Variants in TTI1 observed in about 807,000 individuals in gnomAD.
The protein encoded by TTI1 is TELO2 interacting protein 1.
TTI1 carries 52 observed loss-of-function variants against 85.4 expected under a neutral mutation model. The observed-to-expected ratio is 0.61, with a 90% CI of 0.49 to 0.77. TTI1 has a LOEUF of 0.77. TTI1 is among the 30% of genes least tolerant of loss of function. The probability of loss-of-function intolerance (pLI) is 0.00; values close to 1 mark genes in which losing one functional copy is unlikely to be tolerated. For synonymous variants in TTI1, 512 were observed against 503.9 expected (o/e 1.02, Z -0.22); for missense variants, 1,173 against 1,296.0 (o/e 0.91, Z 1.46).
At chr20:38,017,921 T>G (rs902590942) in intron 1 of TTI1, among the ~76,000 whole-genome samples, 1 of 152,216 alleles carries the variant, frequency 6.6e-6, no homozygotes, top group African/African-American at 2.4e-5. Context: ...AGTTTGGGGC[T>G]TACCAGGATT....
intron 2 of TTI1, among the ~76,000 whole-genome samples, chr20:38,010,447 A>G (rs1172018391): frequency 1.3e-5 from 2 of 150,600 alleles, no homozygotes; most frequent in Middle Eastern, 3.3e-3. Flanking sequence ...TTATAATTGA[A>G]GTCCAAAATT....
intron 7 of TTI1, among the ~76,000 whole-genome samples, chr20:37,988,263 C>A (rs2073218391): frequency 6.6e-6 from 1 of 152,176 alleles, no homozygotes; most frequent in Admixed American, 6.5e-5. Flanking sequence ...GCGAGTGGAC[C>A]AGATCAGTTC....
rs752382549 is a variant in TTI1, at chr20:38,006,350, T to C, written c.2350A>G (p.Ser784Gly). Reference sequence around the variant, plus strand: ...AAATGACTTCCCTCTTCTCCTAAACTTTGCTCTTGGAGGTGCCCAAGATTA... The same window carrying C: ...AAATGACTTCCCTCTTCTCCTAAACCTTGCTCTTGGAGGTGCCCAAGATTA... ...TGNLGHLQEQ[S>G]LGEEGSHLNQ... Residue 784 changes from serine to glycine, a missense_variant, in exon 3 of 8, where the codon AGT becomes GGT. Coordinates refer to ENST00000373447, the MANE Select transcript of TTI1 (RefSeq NM_001303457.2). 111 of 1,614,056 alleles carry C rather than the reference T, an allele frequency of 6.9e-5. 1 individual carries two copies. The South Asian group carries it at 1.2e-3, about 18-fold the overall frequency.
At chr20:38,014,374 C>T (rs2073650729) in intron 1 of TTI1, among the ~76,000 whole-genome samples, 1 of 152,170 alleles carries the variant, frequency 6.6e-6, no homozygotes, top group Non-Finnish European at 1.5e-5. Flanking sequence ...ACCTAGAAGG[C>T]TCCCTCATGT....
intron 1 of TTI1, among the ~76,000 whole-genome samples, chr20:38,020,323 A>AAATATATATATATATAT: frequency 1.6e-3 from 79 of 50,354 alleles, no homozygotes; most frequent in Non-Finnish European, 2.5e-3. Context: ...AAAAAAAAAA[A>AAATATATATATATATAT]ATATATATAT....
rs373247605 is a variant in TTI1, at chr20:38,012,471, C to T, written c.1346G>A (p.Arg449Gln). 17 of 1,614,068 alleles carry T rather than the reference C, an allele frequency of 1.1e-5. No individual in the cohort carries two copies. The highest frequency in any genetic ancestry group is 8.9e-5 in the East Asian group (4 of 44,896). ...ATTCAGATCATCAGAGTTCCAACGCCGTTCCTCAACAATCTTGATGTCAGC... is the reference window on the plus strand; with the variant it reads ...ATTCAGATCATCAGAGTTCCAACGCTGTTCCTCAACAATCTTGATGTCAGC... ...DVADIKIVEE[R>Q]RWNSDDLNAS... is the part of the protein sequence containing the mutation. Residue 449 changes from arginine (R) to glutamine (Q), a missense_variant, in exon 2 of 8, where the codon CGG (arginine) becomes CAG (glutamine). Coordinates refer to ENST00000373447, the MANE Select transcript of TTI1 (RefSeq NM_001303457.2).
In TTI1 at chr20:37,985,946, T is replaced by C. The variant is rs537546642; in HGVS notation, c.3087-2307A>G. On this transcript the variant is annotated intron_variant, in intron 7 of 7. Transcript: ENST00000373447. ...GAAGTGATTAGAATATTCTAATTCA[T>C]CGTTTCCACTTCACCGCAGAAAGAT... Among the ~76,000 whole-genome samples, 6 of 152,354 alleles carry C rather than the reference T, an allele frequency of 3.9e-5. No homozygotes were observed. In the South Asian group the frequency reaches 1.2e-3, roughly 32 times the overall value.
At chr20:38,006,572 C>T (rs1052423126) in intron 2 of TTI1, among the ~76,000 whole-genome samples, 175 bp from the exon 3 acceptor site, 7 of 152,202 alleles carry the variant, frequency 4.6e-5, no homozygotes, top group East Asian at 1.9e-4. Flanking sequence ...TCCCCCAATG[C>T]GGCAAGCATT....
Position 37,983,348 on chromosome 20 carries a change from T to C in TTI1, c.*108A>G. 1 of 1,144,318 alleles carries C rather than the reference T, an allele frequency of 8.7e-7. No individual in the cohort carries two copies. Among genetic ancestry groups the C allele is most frequent in the South Asian group, 1.5e-5 (1 of 65,636 alleles). 70.9% of individuals were successfully genotyped at this position (1,144,318 alleles called of 1,614,324 possible). ...TTTATAAATCGATTGGCTAACTAAT[T>C]CACCTTCTCTGCTGCCGCTGCCACC... is the stretch of plus-strand genomic sequence containing the variant. On this transcript the variant is annotated 3_prime_UTR_variant, in exon 8 of 8. Coordinates refer to ENST00000373447, the MANE Select transcript of TTI1 (RefSeq NM_001303457.2).
At chr20:38,010,505 C>CTA (rs1453660952) in intron 2 of TTI1, among the ~76,000 whole-genome samples, 1 of 126,936 alleles carries the variant, frequency 7.9e-6, no homozygotes, top group Non-Finnish European at 1.6e-5. Flanking sequence ...GAGTCTCACT[C>CTA]TGTCACCCAG....
At chr20:37,998,539 A>T (rs1374510057) in intron 5 of TTI1, among the ~76,000 whole-genome samples, 1 of 152,226 alleles carries the variant, frequency 6.6e-6, no homozygotes, top group Non-Finnish European at 1.5e-5. Context: ...GATATAAATA[A>T]GCTAAAATAT....
chr20:37,986,356 G>A (rs771214375), intron 7 of TTI1, among the ~76,000 whole-genome samples: 9 of 152,104 alleles, frequency 5.9e-5, no homozygotes, highest in Admixed American at 2.0e-4. Flanking sequence ...TATGAATGTC[G>A]TATTTGTTGG....
In TTI1 at chr20:37,996,921, G is replaced by C. The variant is rs898813441; in HGVS notation, c.2826C>G (p.Asp942Glu). 2 of 1,614,132 alleles carry C rather than the reference G, an allele frequency of 1.2e-6. No homozygotes were observed. ...VLRTLGSKCG[D>E]FLRSRFCKDV... ...CTTTGCAGAACCGGCTGCGAAGAAAGTCACCACACTTGCTTCCCAGGGTAC... is the reference window on the plus strand; with the variant it reads ...CTTTGCAGAACCGGCTGCGAAGAAACTCACCACACTTGCTTCCCAGGGTAC... The change falls in exon 6 of 8, where the codon GAC (aspartate) becomes GAG (glutamate). Residue 942 changes from aspartate to glutamate, a missense_variant. Asp to Glu is a conservative substitution (Grantham distance 45). Coordinates refer to ENST00000373447, the MANE Select transcript of TTI1 (RefSeq NM_001303457.2).
At chr20:37,984,883 TTC>T (rs2073170233) in intron 7 of TTI1, among the ~76,000 whole-genome samples, 1 of 152,208 alleles carries the variant, frequency 6.6e-6, no homozygotes, top group Non-Finnish European at 1.5e-5. Context: ...AGGTTCTCAT[TTC>T]TCTTTTTTCC....
Position 38,012,890 on chromosome 20 carries a change from T to C in TTI1, c.927A>G (p.Glu309=), listed in dbSNP as rs375815529. ...GAAGGTCCTCCACAAGTTCTACCAGTTCCAGTCTCACCTTCCAGTGTGGGT... is the reference window on the plus strand; with the variant it reads ...GAAGGTCCTCCACAAGTTCTACCAGCTCCAGTCTCACCTTCCAGTGTGGGT... ...SVHPHWKVRL[E]LVELVEDLLL... Residue 309 remains glutamate (E), a synonymous_variant, in exon 2 of 8, where the codon GAA becomes GAG. Transcript: ENST00000373447. 5 of 1,614,046 alleles carry C rather than the reference T, an allele frequency of 3.1e-6. No homozygotes were observed. Among genetic ancestry groups the C allele is most frequent in the Non-Finnish European group, 4.2e-6 (5 of 1,180,018 alleles).
chr20:37,999,596 A>G (rs560038302), intron 4 of TTI1, among the ~76,000 whole-genome samples: 1 of 152,342 alleles, frequency 6.6e-6, no homozygotes, highest in East Asian at 1.9e-4. Flanking sequence ...CAATTGGGAC[A>G]AGAAGGGAAG....
intron 1 of TTI1, among the ~76,000 whole-genome samples, chr20:38,025,127 CAG>C (rs1236953592): frequency 6.6e-6 from 1 of 152,154 alleles, no homozygotes; most frequent in African/African-American, 2.4e-5. Context: ...GGAATGGTGT[CAG>C]AGATTGTTTA....
chr20:37,985,249 TTAACAG>T (rs1439070235), intron 7 of TTI1, among the ~76,000 whole-genome samples: 1 of 152,220 alleles, frequency 6.6e-6, no homozygotes, highest in Non-Finnish European at 1.5e-5. Flanking sequence ...TATTTACCAA[TTAACAG>T]TACATAGTAT....
Position 37,996,944 on chromosome 20 carries a change from TACGTAAA to T in TTI1, c.2796_2802del (p.Leu933ProfsTer26), listed in dbSNP as rs1568612297. ...AAGTCACCACACTTGCTTCCCAGGGTACGTAAAACCTGCAGAAACAGCCTCCAACCTG... is the reference window on the plus strand; with the variant it reads ...AAGTCACCACACTTGCTTCCCAGGGTACCTGCAGAAACAGCCTCCAACCTG... On this transcript the variant is annotated frameshift_variant and splice_region_variant, in exon 6 of 8. Coordinates refer to ENST00000373447, the MANE Select transcript of TTI1 (RefSeq NM_001303457.2). LOFTEE classifies it high-confidence loss of function. 1 of 1,613,588 alleles carries T rather than the reference TACGTAAA, an allele frequency of 6.2e-7. No individual in the cohort carries two copies. Among genetic ancestry groups the T allele is most frequent in the Admixed American group, 1.7e-5 (1 of 60,004 alleles).
Sources: gnomAD v4.1 joint callset for allele counts (sites outside exome capture counted in the v4.1 genomes callset) on GRCh38, gnomAD v4.1.1 for gene constraint, MANE v1.5 for transcripts, NCBI Gene and HGNC (gene_info 2026-07-23, HGNC 2026-07-21) for gene names.